Variants in PYHIN1 observed in about 807,000 individuals in gnomAD.
PYHIN1 encodes the protein pyrin and HIN domain family member 1.
In PYHIN1, 32 loss-of-function variants were observed where a neutral mutation model predicts 43.7. The ratio of observed to expected loss-of-function variants is 0.73; its 90% CI spans 0.55 to 0.98. The LOEUF (loss-of-function observed/expected upper bound fraction) is 0.98, where lower values mean the gene tolerates loss of function less well. Ranked by LOEUF, PYHIN1 falls within the 50% of genes least tolerant of loss-of-function variation. The pLI is 0.00. For synonymous variants in PYHIN1, 205 were observed against 203.1 expected, an observed-to-expected ratio of 1.01 and a Z score of -0.08; for missense variants, 588 against 589.5, an observed-to-expected ratio of 1.00 and a Z score of 0.03.
the PYHIN1 span, among the ~76,000 whole-genome samples, chr1:158,988,003 G>A: frequency 6.6e-6 from 1 of 152,250 alleles, no homozygotes; most frequent in South Asian, 2.1e-4. Context: ...GCATCTATAA[G>A]CCAAAGAACA....
intron 7 of PYHIN1, among the ~76,000 whole-genome samples, chr1:158,959,715 C>A (rs992628767): frequency 2.0e-5 from 3 of 152,182 alleles, no homozygotes; most frequent in Non-Finnish European, 4.4e-5. Context: ...TTATGAGTTT[C>A]CTAGCACCCT....
intron 3 of PYHIN1, 65 bp downstream of exon 3, chr1:158,938,607 C>A: frequency 6.5e-7 from 1 of 1,540,882 alleles, no homozygotes; most frequent in Admixed American, 1.9e-5. Flanking sequence ...GGCTGTTCCA[C>A]TCAATCTGTC....
rs1393532013 is a variant in PYHIN1 at position 158,976,965 on chromosome 1, A to G, written c.*270A>G. The G allele has an allele frequency of 2.2e-5, 5 of 222,732 alleles. No homozygotes were observed. The highest frequency in any genetic ancestry group is 3.4e-5 in the Non-Finnish European group (4 of 119,062). The allele number at this position is 222,732 out of a possible 1,614,324, so 13.8% of individuals were successfully genotyped here. A position where few individuals can be genotyped will look rare whatever the true frequency, so the allele number is the denominator to read the frequency against. On this transcript the variant is annotated 3_prime_UTR_variant, in exon 9 of 9. Transcript: ENST00000368140. ...GAGTATTAAGGGTGCATTTTATTTC[A>G]TTAGTTTTACTTTTATGCATTTTCT...
intron 7 of PYHIN1, among the ~76,000 whole-genome samples, chr1:158,949,901 G>A (rs1391385051): frequency 6.6e-6 from 1 of 152,214 alleles, no homozygotes; most frequent in Non-Finnish European, 1.5e-5. Flanking sequence ...AGACTGTTAA[G>A]GCATTTCTTT....
chr1:158,948,427 G>T (rs570478139), intron 7 of PYHIN1, among the ~76,000 whole-genome samples: 1 of 152,164 alleles, frequency 6.6e-6, no homozygotes, highest in South Asian at 2.1e-4. Flanking sequence ...TGTATTGATT[G>T]ATTCCATGGT....
At position 158,973,524 on chromosome 1, in the gene PYHIN1, C is replaced by CAT. The variant is rs998870410; in HGVS notation, c.1360-122_1360-121insTA. 5.3e-5 allele frequency: 48 copies of CAT among 912,548 alleles called. No homozygotes were observed. In the African/African-American group the frequency reaches 7.6e-4, roughly 14 times the overall value. The allele number at this position is 912,548 out of a possible 1,614,324, so 56.5% of individuals were successfully genotyped here. A position where few individuals can be genotyped will look rare whatever the true frequency, so the allele number is the denominator to read the frequency against. ...GGATTTTCACACACACACACACACA[C>CAT]ACACACACACACATATACACACATG... On this transcript the variant is annotated intron_variant, in intron 7 of 8. Coordinates refer to ENST00000368140, the MANE Select transcript of PYHIN1 (RefSeq NM_152501.5).
At chr1:158,954,626 G>A (rs534131008) in intron 7 of PYHIN1, among the ~76,000 whole-genome samples, 1,527 of 147,766 alleles carry the variant, frequency 0.01, 36 homozygotes, top group African/African-American at 0.036. Flanking sequence ...AGTAACAACG[G>A]GTACCAGCCG....
intron 7 of PYHIN1, among the ~76,000 whole-genome samples, chr1:158,971,338 G>C (rs1340424713): frequency 1.3e-5 from 2 of 151,864 alleles, no homozygotes; most frequent in African/African-American, 4.8e-5. Context: ...TTTGATATTG[G>C]AAGTAGAACG....
chr1:158,982,002 T>A (rs1025964292), downstream of PYHIN1, among the ~76,000 whole-genome samples: 2 of 152,172 alleles, frequency 1.3e-5, no homozygotes, highest in African/African-American at 4.8e-5. Context: ...GGTTTTTGCT[T>A]GTTGATTTAA....
At chr1:158,943,424 G>A (rs7525140) in intron 5 of PYHIN1, among the ~76,000 whole-genome samples, 16,955 of 152,176 alleles carry the variant, frequency 0.11, 1,102 homozygotes, top group Non-Finnish European at 0.12. Flanking sequence ...GATGAGTTGT[G>A]ACAGATGCCC....
chr1:158,968,419 A>T (rs150217179), intron 7 of PYHIN1, among the ~76,000 whole-genome samples: 3 of 152,024 alleles, frequency 2.0e-5, no homozygotes, highest in Non-Finnish European at 4.4e-5. Context: ...AATCAGAATG[A>T]CTGTTATTAA....
downstream of PYHIN1, among the ~76,000 whole-genome samples, chr1:158,978,145 C>T (rs772310027): frequency 4.6e-5 from 7 of 151,988 alleles, no homozygotes; most frequent in Non-Finnish European, 8.8e-5. Context: ...TGCACCTTTC[C>T]GATTATGTCT....
At chr1:158,941,201 T>C (rs1008867379) in intron 4 of PYHIN1, among the ~76,000 whole-genome samples, 2 of 152,202 alleles carry the variant, frequency 1.3e-5, no homozygotes, top group African/African-American at 4.8e-5. Flanking sequence ...ATTCCTCCAG[T>C]GCTTTTTCTT....
intron 7 of PYHIN1, among the ~76,000 whole-genome samples, chr1:158,961,124 A>G (rs763877920): frequency 3.9e-5 from 6 of 152,184 alleles, no homozygotes; most frequent in African/African-American, 7.2e-5. Context: ...TAAAACCTGC[A>G]TTCTATATGT....
chr1:158,966,085 CT>C (rs1379353567), intron 7 of PYHIN1, among the ~76,000 whole-genome samples: 1 of 152,076 alleles, frequency 6.6e-6, no homozygotes, highest in African/African-American at 2.4e-5. Context: ...CCTTCAGAGA[CT>C]ACTATAATCA....
At chr1:158,955,239 G>A (rs1278890344) in intron 7 of PYHIN1, among the ~76,000 whole-genome samples, 1 of 152,074 alleles carries the variant, frequency 6.6e-6, no homozygotes, top group South Asian at 2.1e-4. Context: ...ACTCAGCTCT[G>A]CACCAACCGG....
intron 1 of PYHIN1, among the ~76,000 whole-genome samples, chr1:158,934,918 C>T (rs749328554): frequency 3.9e-5 from 6 of 151,984 alleles, no homozygotes; most frequent in South Asian, 4.2e-4. Context: ...TTAGTAGAGA[C>T]GGGGTTTCAC....
intron 3 of PYHIN1, 146 bp from the exon 4 acceptor site, chr1:158,938,934 C>A (rs773642946): frequency 5.0e-5 from 27 of 541,652 alleles, no homozygotes; most frequent in Non-Finnish European, 7.1e-5. Context: ...ACCATCTATG[C>A]CATGTTCTTT....
At position 158,950,659 on chromosome 1, in the gene PYHIN1, A is replaced by G. The variant is rs556211115; in HGVS notation, c.1359+5617A>G. Among the ~76,000 whole-genome samples, 34 of 152,356 alleles carry G rather than the reference A, an allele frequency of 2.2e-4. No individual in the cohort carries two copies. In the South Asian group the frequency reaches 5.6e-3, roughly 25 times the overall value. ...TTTCTACAGCTGATTGAAATGTGTC[A>G]TCTCAATTTTTAAAATTAAGCATAA... On this transcript the variant is annotated intron_variant, in intron 7 of 8. Transcript: ENST00000368140.
Sources: allele counts gnomAD v4.1 joint callset (sites outside exome capture counted in the v4.1 genomes callset), GRCh38; gene constraint gnomAD v4.1.1; transcripts MANE v1.5; gene names NCBI Gene and HGNC (gene_info 2026-07-23, HGNC 2026-07-21).